EXOSC7: variants seen among roughly 807,000 people sequenced by gnomAD.
The protein encoded by EXOSC7 is exosome component 7.
Under a neutral mutation model 34.3 loss-of-function variants are expected in EXOSC7, and 25 were observed. The ratio of observed to expected loss-of-function variants is 0.73; its 90% confidence interval spans 0.53 to 1.02. The LOEUF (loss-of-function observed/expected upper bound fraction) is 1.02. Among genes scored for constraint, EXOSC7 ranks in the 50% least tolerant of loss-of-function variants. The probability of loss-of-function intolerance (pLI) is 0.00; values close to 1 mark genes in which losing one functional copy is unlikely to be tolerated. For synonymous variants in EXOSC7, 130 were observed against 143.0 expected (o/e 0.91, Z 0.65); for missense variants, 370 against 368.5 (o/e 1.00, Z -0.03).
chr3:45,007,310 A>G, intron 6 of EXOSC7, 110 bp from the exon 7 acceptor site: 5 of 1,099,482 alleles, frequency 4.5e-6, no homozygotes, highest in Non-Finnish European at 6.5e-6. Context: ...ACCTGGAATG[A>G]CCAGTGCAAA....
intron 5 of EXOSC7, among the ~76,000 whole-genome samples, chr3:45,003,768 A>G (rs1350538771): frequency 2.0e-5 from 3 of 152,054 alleles, no homozygotes; most frequent in Non-Finnish European, 4.4e-5. Context: ...ATGCAATTAC[A>G]CTCACTGATG....
chr3:45,009,234 C>G (rs574837568), intron 7 of EXOSC7, among the ~76,000 whole-genome samples: 75 of 152,340 alleles, frequency 4.9e-4, no homozygotes, highest in South Asian at 8.3e-4. Context: ...TCTGCTAACT[C>G]TGGACAGGGG....
At chr3:44,996,416 A>G (rs571310641) in intron 3 of EXOSC7, among the ~76,000 whole-genome samples, 1 of 152,336 alleles carries the variant, frequency 6.6e-6, no homozygotes, top group South Asian at 2.1e-4. Context: ...AAAAAGGGAA[A>G]AAAAAAGTTT....
chr3:45,006,262 G>A (rs1344936029), intron 6 of EXOSC7, among the ~76,000 whole-genome samples: 1 of 151,086 alleles, frequency 6.6e-6, no homozygotes, highest in Non-Finnish European at 1.5e-5. Flanking sequence ...ATTTTTAGTA[G>A]AGACGGTGTT....
At chr3:44,978,727 T>C (rs1437600856) in intron 1 of EXOSC7, among the ~76,000 whole-genome samples, 1 of 151,960 alleles carries the variant, frequency 6.6e-6, no homozygotes, top group East Asian at 1.9e-4. Flanking sequence ...GTGGAGGACA[T>C]GTGGAGCCCA....
intron 6 of EXOSC7, 35 bp downstream of exon 6, chr3:45,005,449 G>T (rs778053901): frequency 1.9e-6 from 3 of 1,607,448 alleles, no homozygotes; most frequent in Admixed American, 1.7e-5. Context: ...TGTCTTCCCT[G>T]TGGGTGTGGG....
intron 4 of EXOSC7, among the ~76,000 whole-genome samples, chr3:44,998,295 C>G (rs1487752974): frequency 6.6e-6 from 1 of 152,102 alleles, no homozygotes; most frequent in Non-Finnish European, 1.5e-5. Context: ...CTCGGCCTCC[C>G]AAAGTGCGGG....
rs201684450 is a variant in EXOSC7 at position 44,989,536 on chromosome 3, G to A, written c.160-14G>A. ...CATACTCTGAGTGAGGACTCTTCTT[G>A]CATGTGTCTGCAGGGTCACACAGAC... is the stretch of plus-strand genomic sequence containing the variant. On this transcript the variant is annotated splice_polypyrimidine_tract_variant and intron_variant, in intron 2 of 7. Transcript: ENST00000265564. 1.4e-5 allele frequency: 23 copies of A among 1,605,662 alleles called. No individual in the cohort carries two copies. The highest frequency in any genetic ancestry group is 5.0e-5 in the Admixed American group (3 of 59,972).
At chr3:44,985,546 C>G (rs1576004163) in intron 1 of EXOSC7, among the ~76,000 whole-genome samples, 3 of 149,586 alleles carry the variant, frequency 2.0e-5, no homozygotes, top group Admixed American at 1.3e-4. Context: ...AGGCGGCACA[C>G]CTGGAGTTGT....
At chr3:44,994,550 A>C (rs1285388555) in intron 3 of EXOSC7, among the ~76,000 whole-genome samples, 4 of 152,024 alleles carry the variant, frequency 2.6e-5, no homozygotes, top group African/African-American at 9.7e-5. Context: ...CCAGGTCTAC[A>C]TTTCTGTCTA....
At chr3:44,991,551 C>T (rs1210423896) in intron 3 of EXOSC7, among the ~76,000 whole-genome samples, 1 of 152,202 alleles carries the variant, frequency 6.6e-6, no homozygotes, top group Non-Finnish European at 1.5e-5. Context: ...TCAGCCCAAC[C>T]ACACCAAAGA....
At chr3:44,978,528 TGTACTTGA>T (rs1403865412) in intron 1 of EXOSC7, among the ~76,000 whole-genome samples, 1 of 152,124 alleles carries the variant, frequency 6.6e-6, no homozygotes, top group African/African-American at 2.4e-5. Flanking sequence ...AAACTATAAA[TGTACTTGA>T]GTGTTTATAT....
chr3:45,005,771 G>A (rs546629348), intron 6 of EXOSC7, among the ~76,000 whole-genome samples: 32 of 152,230 alleles, frequency 2.1e-4, no homozygotes, highest in Middle Eastern at 3.4e-3. Flanking sequence ...GCAGGGTGGC[G>A]AACACTGTCC....
Position 44,989,332 on chromosome 3 carries a change from A to T in EXOSC7, c.159+91A>T, listed in dbSNP as rs1706506331. On this transcript the variant is annotated intron_variant, in intron 2 of 7. Transcript: ENST00000265564. ...TGACGCTGTCTGGCTTTTGGAATGCAAATTGCTCTTGGGGAAATCGAAGAT... is the reference window on the plus strand; with the variant it reads ...TGACGCTGTCTGGCTTTTGGAATGCTAATTGCTCTTGGGGAAATCGAAGAT... 4 of 1,058,908 alleles carry T rather than the reference A, an allele frequency of 3.8e-6. No individual in the cohort carries two copies. In the East Asian group the frequency reaches 9.8e-5, roughly 26 times the overall value. 65.6% of individuals were successfully genotyped at this position (1,058,908 alleles called of 1,614,324 possible). A position where few individuals can be genotyped will look rare whatever the true frequency, so the allele number is the denominator to read the frequency against.
At position 44,980,295 on chromosome 3, in the gene EXOSC7, G is replaced by A. The variant is rs558087297; in HGVS notation, c.57+3961G>A. The stretch of plus-strand genomic sequence containing the variant: ...CAGGGGAGAACAGAGAATCAAAAAG[G>A]TGGATTAAATCGGTATTTTGATAAA... On this transcript the variant is annotated intron_variant, in intron 1 of 7. Transcript: ENST00000265564. Among the ~76,000 whole-genome samples, 19 of 152,326 alleles carry A rather than the reference G, an allele frequency of 1.2e-4. No individual in the cohort carries two copies. The East Asian group carries it at 3.7e-3, about 29-fold the overall frequency.
intron 3 of EXOSC7, among the ~76,000 whole-genome samples, chr3:44,994,823 CTCTG>C (rs1189113354): frequency 6.6e-6 from 1 of 151,310 alleles, no homozygotes; most frequent in Non-Finnish European, 1.5e-5. Flanking sequence ...AAACCTTCCT[CTCTG>C]TCTGACTGCT....
intron 3 of EXOSC7, among the ~76,000 whole-genome samples, chr3:44,994,859 GTGTGTGTGT>G (rs780924855): frequency 0.035 from 260 of 7,484 alleles, no homozygotes; most frequent in South Asian, 0.11. Context: ...AAGAATGGGT[GTGTGTGTGT>G]GTGTGTGTGT....
intron 4 of EXOSC7, 61 bp downstream of exon 4, chr3:44,997,313 A>G: frequency 2.7e-6 from 4 of 1,509,210 alleles, no homozygotes; most frequent in South Asian, 1.3e-5. Context: ...TAGTTGGCCT[A>G]TTTTCCTTCC....
chr3:45,005,550 A>T (rs1707012190), intron 6 of EXOSC7, 136 bp downstream of exon 6: 2 of 789,526 alleles, frequency 2.5e-6, no homozygotes, highest in Non-Finnish European at 1.9e-6. Context: ...ACCCAAATCC[A>T]ATAATTTGGT....
Sources: allele counts gnomAD v4.1 joint callset (sites outside exome capture counted in the v4.1 genomes callset), GRCh38; gene constraint gnomAD v4.1.1; transcripts MANE v1.5; gene names NCBI Gene and HGNC (gene_info 2026-07-23, HGNC 2026-07-21).